EPHA6: variants seen among roughly 807,000 people sequenced by gnomAD.
EPHA6 encodes the protein ephrin type-A receptor 6.
EPHA6 carries 50 observed loss-of-function variants against 112.0 expected under a neutral mutation model. That is an observed-to-expected ratio of 0.45 (90% CI 0.36 to 0.56). The LOEUF (loss-of-function observed/expected upper bound fraction) is 0.56. Among genes scored for constraint, EPHA6 ranks in the 20% least tolerant of loss-of-function variants. The pLI is 0.00. For synonymous variants in EPHA6, 529 were observed against 490.7 expected (o/e 1.08, Z -1.03); for missense variants, 1,280 against 1,417.4 (o/e 0.90, Z 1.56).
At chr3:97,110,960 C>T (rs776316076) in intron 3 of EPHA6, among the ~76,000 whole-genome samples, 1 of 152,114 alleles carries the variant, frequency 6.6e-6, no homozygotes, top group Non-Finnish European at 1.5e-5. Flanking sequence ...ATTACCTATA[C>T]TAATATTTAA....
intron 2 of EPHA6, among the ~76,000 whole-genome samples, chr3:96,976,515 A>G (rs900140082): frequency 2.6e-5 from 4 of 152,208 alleles, no homozygotes; most frequent in Non-Finnish European, 5.9e-5. Context: ...CTTTTAAAGT[A>G]AATGTTTACA....
chr3:96,946,713 G>C (rs1029486129), intron 2 of EPHA6, among the ~76,000 whole-genome samples: 1 of 152,112 alleles, frequency 6.6e-6, no homozygotes, highest in Non-Finnish European at 1.5e-5. Flanking sequence ...CTGGGTCAAA[G>C]GGTATTTCTA....
chr3:96,984,760 C>A lies in EPHA6; in HGVS notation c.451-2570C>A, dbSNP rs987636671. Among the ~76,000 whole-genome samples, 3 of 152,346 alleles carry A rather than the reference C, an allele frequency of 2.0e-5. No homozygotes were observed. In the South Asian group the frequency reaches 6.2e-4, roughly 32 times the overall value. ...CTCAAGCCTCAGCAATGGTGGGCGT[C>A]CCTCCCCCAGCCCTGCTGCCTTGCA... On this transcript the variant is annotated intron_variant, in intron 2 of 17. Transcript: ENST00000389672.
chr3:97,237,977 T>C (rs2078730003), intron 4 of EPHA6, among the ~76,000 whole-genome samples: 1 of 152,010 alleles, frequency 6.6e-6, no homozygotes, highest in African/African-American at 2.4e-5. Context: ...ATATCTATAA[T>C]ACATTTCTGT....
chr3:96,831,540 C>T (rs1248972369), intron 1 of EPHA6, among the ~76,000 whole-genome samples: 3 of 151,626 alleles, frequency 2.0e-5, no homozygotes, highest in Non-Finnish European at 2.9e-5. Flanking sequence ...CCAATTGACA[C>T]TTTTATTAAG....
chr3:97,168,533 T>TTCTC (rs1194068535), intron 3 of EPHA6, among the ~76,000 whole-genome samples: 2 of 151,688 alleles, frequency 1.3e-5, no homozygotes, highest in Non-Finnish European at 2.9e-5. Context: ...CTCTGTGTGT[T>TTCTC]TCTCTCTCTC....
chr3:97,215,308 T>C (rs1003156609), intron 3 of EPHA6, among the ~76,000 whole-genome samples: 1 of 152,240 alleles, frequency 6.6e-6, no homozygotes, highest in African/African-American at 2.4e-5. Context: ...TTTTTTGTTT[T>C]ATTAGAGACA....
rs1368504739 is a variant in EPHA6, at chr3:97,749,295, G to A, written c.*594G>A. ...GTGAGGTATGACTATGGTGAGAAGG[G>A]GGTTATTAGGGAGGGAGAAAAAAAT... is the stretch of plus-strand genomic sequence containing the variant. On this transcript the variant is annotated 3_prime_UTR_variant, in exon 18 of 18. Coordinates refer to ENST00000389672, the MANE Select transcript of EPHA6 (RefSeq NM_001080448.3). 1 of 215,910 alleles carries A rather than the reference G, an allele frequency of 4.6e-6. No individual in the cohort carries two copies. The highest frequency in any genetic ancestry group is 9.3e-6 in the Non-Finnish European group (1 of 107,262). 13.4% of individuals were successfully genotyped at this position (215,910 alleles called of 1,614,324 possible). A position where few individuals can be genotyped will look rare whatever the true frequency, so the allele number is the denominator to read the frequency against.
intron 6 of EPHA6, among the ~76,000 whole-genome samples, chr3:97,423,447 G>A (rs1346352557): frequency 6.6e-6 from 1 of 152,152 alleles, no homozygotes; most frequent in Non-Finnish European, 1.5e-5. Flanking sequence ...TCTAGCCAGG[G>A]AGGTGAAAGA....
At chr3:97,350,346 T>C (rs1161602038) in intron 5 of EPHA6, among the ~76,000 whole-genome samples, 8 of 152,098 alleles carry the variant, frequency 5.3e-5, no homozygotes, top group Non-Finnish European at 1.2e-4. Flanking sequence ...TAGCAAAATA[T>C]TCAGCTACTA....
At position 97,031,686 on chromosome 3, in the gene EPHA6, G is replaced by T. The variant is rs181203536; in HGVS notation, c.1114+43693G>T. ...GAAGACATATATGCAGCCAAAAAAT[G>T]CATGAAAAATTGCTCATCATCACTG... On this transcript the variant is annotated intron_variant, in intron 3 of 17. Coordinates refer to ENST00000389672, the MANE Select transcript of EPHA6 (RefSeq NM_001080448.3). Among the ~76,000 whole-genome samples, 836 of 152,116 alleles carry T rather than the reference G, an allele frequency of 5.5e-3. 7 individuals carry two copies. Among genetic ancestry groups the T allele is most frequent in the African/African-American group, 0.019 (784 of 41,522 alleles).
intron 11 of EPHA6, among the ~76,000 whole-genome samples, chr3:97,575,955 G>A (rs1575941141): frequency 6.6e-6 from 1 of 152,112 alleles, no homozygotes; most frequent in Non-Finnish European, 1.5e-5. Context: ...CACCAGTTGA[G>A]ATTAGAAGAC....
chr3:97,169,015 T>C (rs2076617830), intron 3 of EPHA6, among the ~76,000 whole-genome samples: 1 of 152,154 alleles, frequency 6.6e-6, no homozygotes, highest in African/African-American at 2.4e-5. Flanking sequence ...TTCTAGTACT[T>C]GTAGAGTGGC....
intron 13 of EPHA6, among the ~76,000 whole-genome samples, chr3:97,635,022 T>G (rs1262970345): frequency 2.0e-5 from 3 of 152,004 alleles, no homozygotes; most frequent in Admixed American, 2.0e-4. Context: ...TGGTGCTGAC[T>G]TGATTCCTGA....
At chr3:97,411,103 G>T (rs760143857) in intron 6 of EPHA6, among the ~76,000 whole-genome samples, 17 of 151,350 alleles carry the variant, frequency 1.1e-4, no homozygotes, top group Non-Finnish European at 2.4e-4. Flanking sequence ...GAAATTAGAT[G>T]TGAGCATTTG....
intron 3 of EPHA6, among the ~76,000 whole-genome samples, chr3:97,044,310 A>G (rs2108063219): frequency 6.6e-6 from 1 of 152,320 alleles, no homozygotes; most frequent in African/African-American, 2.4e-5. Context: ...CACTTCAAGC[A>G]AGAAAATGAA....
intron 4 of EPHA6, among the ~76,000 whole-genome samples, chr3:97,230,197 A>G (rs941807810): frequency 2.0e-5 from 3 of 152,132 alleles, no homozygotes; most frequent in Non-Finnish European, 2.9e-5. Context: ...CTATAAATAG[A>G]AAATTGGTAA....
intron 15 of EPHA6, among the ~76,000 whole-genome samples, chr3:97,734,405 C>A (rs1321854308): frequency 6.6e-6 from 1 of 151,862 alleles, no homozygotes; most frequent in East Asian, 1.9e-4. Flanking sequence ...ATCTTAAAAC[C>A]CAAGCCTAGT....
At chr3:96,954,869 C>G (rs994776709) in intron 2 of EPHA6, among the ~76,000 whole-genome samples, 1 of 137,696 alleles carries the variant, frequency 7.3e-6, no homozygotes, top group African/African-American at 2.7e-5. Flanking sequence ...TCTCGGCTCA[C>G]TGCAAGCTCC....
Sources: allele counts gnomAD v4.1 joint callset (sites outside exome capture counted in the v4.1 genomes callset), GRCh38; gene constraint gnomAD v4.1.1; transcripts MANE v1.5; gene names NCBI Gene and HGNC (gene_info 2026-07-23, HGNC 2026-07-21).